RP1: variants seen among roughly 807,000 people sequenced by gnomAD.
RP1 encodes oxygen-regulated protein 1.
RP1 carries 16 observed loss-of-function variants against 14.8 expected under a neutral mutation model. The ratio of observed to expected loss-of-function variants is 1.08; its 90% CI spans 0.73 to 1.65. The LOEUF is 1.65. Ranked by LOEUF, RP1 falls within the 40% of genes most tolerant of loss-of-function variation. The pLI, the probability that RP1 is intolerant of heterozygous loss-of-function variation, is 0.00. For missense variants in RP1, 2,631 were observed against 2,535.0 expected (o/e 1.04, Z -0.81); for synonymous variants, 876 against 883.6 (o/e 0.99, Z 0.15).
chr8:54,847,403 G>A (rs969849323), intron 25 of RP1, among the ~76,000 whole-genome samples: 1 of 152,148 alleles, frequency 6.6e-6, no homozygotes, highest in African/African-American at 2.4e-5. Flanking sequence ...AAAATGTAGG[G>A]AAGAAAAGTC....
intron 24 of RP1, among the ~76,000 whole-genome samples, chr8:54,798,413 T>C (rs1220102286): frequency 6.6e-6 from 1 of 152,184 alleles, no homozygotes; most frequent in African/African-American, 2.4e-5. Flanking sequence ...GATTAGAAAG[T>C]CTATGAAGAC....
In RP1 at chr8:54,627,366, G is replaced by A. The variant is rs758136702; in HGVS notation, c.3484G>A (p.Ala1162Thr). Residue 1162 changes from alanine (A) to threonine (T), a missense_variant, in exon 4 of 4, where the codon GCA becomes ACA. Coordinates refer to ENST00000220676, the MANE Select transcript of RP1 (RefSeq NM_006269.2). ...KATNKSSETL[A>T]LLEILKHIAI... ...TACCAACAAATCTTCAGAAACACTT[G>A]CATTGTTGGAGATTCTAAAGCACAT... The A allele has an allele frequency of 1.4e-5, 23 of 1,614,034 alleles. No individual in the cohort carries two copies. The highest frequency in any genetic ancestry group is 1.7e-5 in the Admixed American group (1 of 60,002).
intron 3 of RP1, among the ~76,000 whole-genome samples, chr8:54,623,655 T>C (rs1805943825): frequency 6.6e-6 from 1 of 152,202 alleles, no homozygotes; most frequent in African/African-American, 2.4e-5. Flanking sequence ...TGAAGATACA[T>C]GTTAAAAAGA....
chr8:54,860,807 T>C (rs1490234632), intron 27 of RP1, among the ~76,000 whole-genome samples: 1 of 152,230 alleles, frequency 6.6e-6, no homozygotes, highest in African/African-American at 2.4e-5. Context: ...TGAAGTATGA[T>C]AAATATTTGA....
chr8:54,606,110 A>G lies in RP1; in HGVS notation c.-12-14845A>G, dbSNP rs573287659. On this transcript the variant is annotated intron_variant, in intron 1 of 22. Transcript: ENST00000636932. ...ATGATGTTAGCTGGTTATTTTGCTC[A>G]TTAGTTGATGCAGTTTCTTCCTAAC... is the stretch of plus-strand genomic sequence containing the variant. 2.7e-4 allele frequency among the ~76,000 whole-genome samples: 41 copies of G among 152,268 alleles called. No homozygotes were observed. In the South Asian group the frequency reaches 7.5e-3, roughly 28 times the overall value.
At chr8:54,828,879 CTTCTTTTT>C (rs1811451192) in intron 24 of RP1, among the ~76,000 whole-genome samples, 1 of 107,414 alleles carries the variant, frequency 9.3e-6, no homozygotes, top group African/African-American at 3.6e-5. Flanking sequence ...TCTTCTTCTT[CTTCTTTTT>C]TTTTTTTTTT....
At chr8:54,651,874 A>C (rs1806661505) in intron 4 of RP1, among the ~76,000 whole-genome samples, 1 of 152,038 alleles carries the variant, frequency 6.6e-6, no homozygotes, top group Admixed American at 6.5e-5. Flanking sequence ...TATAGCTATA[A>C]ATTTCCCTCA....
chr8:54,674,619 CACAAAT>C (rs1238712544), intron 8 of RP1, among the ~76,000 whole-genome samples: 3 of 149,890 alleles, frequency 2.0e-5, no homozygotes, highest in Non-Finnish European at 4.4e-5. Flanking sequence ...AAGATTGTTA[CACAAAT>C]ACAGAGTGGA....
intron 26 of RP1, among the ~76,000 whole-genome samples, chr8:54,855,922 T>C (rs1349007622): frequency 7.4e-6 from 1 of 135,458 alleles, no homozygotes; most frequent in Admixed American, 7.8e-5. Context: ...TTTTAGGAAG[T>C]GAGACTTACT....
At chr8:54,745,783 T>A in intron 19 of RP1, among the ~76,000 whole-genome samples, 1 of 152,112 alleles carries the variant, frequency 6.6e-6, no homozygotes, top group Non-Finnish European at 1.5e-5. Context: ...CTATTTCTCA[T>A]CTACCCCAAC....
At chr8:54,760,387 G>A (rs1222550431) in intron 22 of RP1, among the ~76,000 whole-genome samples, 1 of 152,122 alleles carries the variant, frequency 6.6e-6, no homozygotes, top group Admixed American at 6.5e-5. Flanking sequence ...GTACTAACTA[G>A]CATCATTCTG....
intron 7 of RP1, among the ~76,000 whole-genome samples, chr8:54,667,904 G>C (rs867370324): frequency 2.0e-5 from 3 of 152,104 alleles, no homozygotes; most frequent in Admixed American, 2.0e-4. Flanking sequence ...AATTCTACCA[G>C]AGGTACAAAG....
At chr8:54,586,710 C>T (rs1287713496) in intron 1 of RP1, among the ~76,000 whole-genome samples, 1 of 152,224 alleles carries the variant, frequency 6.6e-6, no homozygotes, top group Non-Finnish European at 1.5e-5. Flanking sequence ...GCCCCTCCCC[C>T]AGCCTCGCTG....
At chr8:54,779,767 T>G (rs922831902) in intron 23 of RP1, among the ~76,000 whole-genome samples, 1 of 152,184 alleles carries the variant, frequency 6.6e-6, no homozygotes, top group Admixed American at 6.5e-5. Flanking sequence ...CAGGGATACA[T>G]GAAAGAGGTG....
At chr8:54,647,004 T>C (rs1201117110) in intron 3 of RP1, among the ~76,000 whole-genome samples, 1 of 152,234 alleles carries the variant, frequency 6.6e-6, no homozygotes, top group Non-Finnish European at 1.5e-5. Flanking sequence ...GACTAGTTTT[T>C]TTAAAATTAT....
rs576429194 is a variant in RP1, at chr8:54,707,496, T to A, written c.2211+841T>A. On this transcript the variant is annotated intron_variant, in intron 15 of 22. Transcript: ENST00000636932. ...AACTAACATAACAGTTTATATATAT[T>A]CATAATTCTTCTGTGGGGTGAGGAA... 7.4e-4 allele frequency among the ~76,000 whole-genome samples: 112 copies of A among 152,332 alleles called. 1 individual carries two copies. The South Asian group carries it at 0.021, about 28-fold the overall frequency.
chr8:54,856,707 G>A (rs1563397954), intron 26 of RP1, among the ~76,000 whole-genome samples: 1 of 152,140 alleles, frequency 6.6e-6, no homozygotes. Flanking sequence ...ACACTTGAGA[G>A]AGTTTGGCAC....
intron 24 of RP1, among the ~76,000 whole-genome samples, chr8:54,835,940 C>A (rs1811645551): frequency 6.6e-6 from 1 of 152,084 alleles, no homozygotes; most frequent in Non-Finnish European, 1.5e-5. Flanking sequence ...AACATTTTTT[C>A]TACGTGATAG....
intron 28 of RP1, chr8:54,866,005 G>A (rs1308277513): frequency 6.1e-6 from 3 of 494,582 alleles, no homozygotes; most frequent in Non-Finnish European, 9.5e-6. Flanking sequence ...CATCCCAGCT[G>A]TTGGACAACA....
Sources: allele counts gnomAD v4.1 joint callset (sites outside exome capture counted in the v4.1 genomes callset), GRCh38; gene constraint gnomAD v4.1.1; transcripts MANE v1.5; gene names NCBI Gene and HGNC (gene_info 2026-07-23, HGNC 2026-07-21).